The following IL1RAPL1 variants were observed in gnomAD, a reference collection of about 807,000 sequenced individuals.
The protein encoded by IL1RAPL1 is interleukin 1 receptor accessory protein like 1.
IL1RAPL1 carries 3 observed loss-of-function variants against 48.4 expected under a neutral mutation model. The observed-to-expected ratio is 0.06, with a 90% CI of 0.03 to 0.16. The LOEUF (loss-of-function observed/expected upper bound fraction) is 0.16, where lower values mean the gene tolerates loss of function less well. Among genes scored for constraint, IL1RAPL1 ranks in the 10% least tolerant of loss-of-function variants. The pLI is 1.00. For synonymous variants in IL1RAPL1, 185 were observed against 187.7 expected (o/e 0.99, Z 0.12); for missense variants, 349 against 530.6 (o/e 0.66, Z 3.36).
chrX:29,136,793 A>G (rs995373607), intron 2 of IL1RAPL1, among the ~76,000 whole-genome samples: 4 of 112,028 alleles, frequency 3.6e-5, no homozygotes, highest in African/African-American at 1.3e-4. Context: ...GCTTAGTACA[A>G]TGCCTGGGAT....
chrX:29,626,932 A>G (rs1003463661), intron 5 of IL1RAPL1, among the ~76,000 whole-genome samples: 2 of 112,552 alleles, frequency 1.8e-5, no homozygotes, highest in African/African-American at 6.4e-5. Flanking sequence ...TATAACGCCT[A>G]CGTAACTGTT....
At chrX:29,032,097 T>C (rs1926631397) in intron 2 of IL1RAPL1, among the ~76,000 whole-genome samples, 1 of 111,773 alleles carries the variant, frequency 8.9e-6, no homozygotes, top group Non-Finnish European at 1.9e-5. Flanking sequence ...ATGTTAGTTG[T>C]CTTCTCACTC....
intron 1 of IL1RAPL1, among the ~76,000 whole-genome samples, chrX:28,662,969 A>G (rs187147021): frequency 1.7e-3 from 189 of 111,831 alleles, no homozygotes; most frequent in African/African-American, 3.3e-3. Context: ...ATTTCTGTCC[A>G]TCTTCAGGGT....
intron 2 of IL1RAPL1, among the ~76,000 whole-genome samples, chrX:29,179,000 C>A (rs1277955206): frequency 9.0e-6 from 1 of 111,628 alleles, no homozygotes; most frequent in South Asian, 3.8e-4. Flanking sequence ...TTACTGTAGC[C>A]TTGTAGTATA....
At chrX:29,733,597 C>T (rs1468820037) in intron 6 of IL1RAPL1, among the ~76,000 whole-genome samples, 1 of 112,195 alleles carries the variant, frequency 8.9e-6, no homozygotes, top group Non-Finnish European at 1.9e-5. Flanking sequence ...TAATACAAAT[C>T]AGATCATATT....
chrX:28,870,407 G>A (rs1477644915), intron 2 of IL1RAPL1, among the ~76,000 whole-genome samples: 1 of 110,848 alleles, frequency 9.0e-6, no homozygotes, highest in African/African-American at 3.3e-5. Context: ...CTAGTTTATT[G>A]TACCATAACA....
intron 3 of IL1RAPL1, among the ~76,000 whole-genome samples, chrX:29,346,008 C>G (rs1052638585): frequency 5.4e-5 from 6 of 111,873 alleles, no homozygotes; most frequent in Non-Finnish European, 1.1e-4. Context: ...AAAATATATT[C>G]CTTTTTGTTT....
At chrX:29,892,891 A>C (rs1853858782) in intron 6 of IL1RAPL1, among the ~76,000 whole-genome samples, 1 of 112,266 alleles carries the variant, frequency 8.9e-6, no homozygotes, top group East Asian at 2.8e-4. Flanking sequence ...GAATGAAGGG[A>C]AACAAGACAC....
intron 2 of IL1RAPL1, among the ~76,000 whole-genome samples, chrX:29,200,935 G>A (rs1187548173): frequency 1.8e-5 from 2 of 110,820 alleles, no homozygotes; most frequent in East Asian, 5.6e-4. Flanking sequence ...CAGGTATTAA[G>A]CCCAGTACCC....
At chrX:28,994,482 A>C (rs1925684090) in intron 2 of IL1RAPL1, among the ~76,000 whole-genome samples, 1 of 111,617 alleles carries the variant, frequency 9.0e-6, no homozygotes, top group African/African-American at 3.3e-5. Flanking sequence ...GGACCTGATA[A>C]ATTTGATATG....
chrX:29,016,569 T>C (rs1395568785), intron 2 of IL1RAPL1, among the ~76,000 whole-genome samples: 1 of 111,178 alleles, frequency 9.0e-6, no homozygotes, highest in Non-Finnish European at 1.9e-5. Flanking sequence ...AAGTTTTATA[T>C]GTATATTCAT....
chrX:29,237,493 G>T (rs1460327909), intron 2 of IL1RAPL1, among the ~76,000 whole-genome samples: 2 of 112,310 alleles, frequency 1.8e-5, no homozygotes, highest in African/African-American at 3.2e-5. Flanking sequence ...TTTGCACATG[G>T]CAGATCCTCG....
chrX:29,752,414 T>G (rs1468374734), intron 6 of IL1RAPL1, among the ~76,000 whole-genome samples: 2 of 102,494 alleles, frequency 2.0e-5, no homozygotes, highest in Non-Finnish European at 3.9e-5. Context: ...GAGAATCGCT[T>G]GAACCCAGGA....
intron 2 of IL1RAPL1, among the ~76,000 whole-genome samples, chrX:28,904,581 G>T (rs1923169482): frequency 8.9e-6 from 1 of 111,956 alleles, no homozygotes; most frequent in African/African-American, 3.2e-5. Flanking sequence ...TGTTTTCTTG[G>T]TAAGTTATAC....
intron 2 of IL1RAPL1, among the ~76,000 whole-genome samples, chrX:29,258,264 A>G: frequency 8.9e-6 from 1 of 111,804 alleles, no homozygotes; most frequent in South Asian, 3.6e-4. Context: ...ATATATACAA[A>G]TATAACATAT....
intron 2 of IL1RAPL1, among the ~76,000 whole-genome samples, chrX:28,868,599 T>C (rs1328058229): frequency 5.4e-5 from 6 of 111,333 alleles, no homozygotes; most frequent in Non-Finnish European, 1.1e-4. Context: ...TCTAGTTTCT[T>C]CCAGAGGTTC....
At chrX:29,051,070 C>A (rs983268008) in intron 2 of IL1RAPL1, among the ~76,000 whole-genome samples, 1 of 112,079 alleles carries the variant, frequency 8.9e-6, no homozygotes, top group African/African-American at 3.2e-5. Flanking sequence ...GATACTTATA[C>A]ATGTTTTTTG....
chrX:29,420,242 G>T (rs1934274533), intron 5 of IL1RAPL1, among the ~76,000 whole-genome samples: 1 of 112,191 alleles, frequency 8.9e-6, no homozygotes, highest in Non-Finnish European at 1.9e-5. Flanking sequence ...ATGGCAGAAA[G>T]CCTTACCCTA....
intron 2 of IL1RAPL1, among the ~76,000 whole-genome samples, chrX:29,192,711 A>G (rs1930374665): frequency 8.9e-6 from 1 of 112,141 alleles, no homozygotes; most frequent in South Asian, 3.6e-4. Flanking sequence ...TGATGATATT[A>G]CCATAAATTC....
Sources: allele counts gnomAD v4.1 joint callset (sites outside exome capture counted in the v4.1 genomes callset), GRCh38; gene constraint gnomAD v4.1.1; transcripts MANE v1.5; gene names NCBI Gene and HGNC (gene_info 2026-07-23, HGNC 2026-07-21).